Variants in TMEM38B observed in about 807,000 individuals in gnomAD.
TMEM38B encodes the protein transmembrane protein 38B, also known as trimeric intracellular cation channel type B.
TMEM38B carries 24 observed loss-of-function variants against 28.7 expected under a neutral mutation model. The observed-to-expected ratio is 0.84, with a 90% confidence interval of 0.61 to 1.18. TMEM38B has a LOEUF of 1.18. Among genes scored for constraint, TMEM38B ranks in the 50% most tolerant of loss-of-function variants. TMEM38B has a pLI of 0.00. For missense variants in TMEM38B, 380 were observed against 350.9 expected, an observed-to-expected ratio of 1.08 and a Z score of -0.66; for synonymous variants, 131 against 127.7, an observed-to-expected ratio of 1.03 and a Z score of -0.17.
At chr9:105,768,193 G>T (rs1826435748) in intron 5 of TMEM38B, among the ~76,000 whole-genome samples, 1 of 151,662 alleles carries the variant, frequency 6.6e-6, no homozygotes, top group South Asian at 2.1e-4. Context: ...TAATCATAGG[G>T]GTTTTCTCTT....
At chr9:105,729,101 A>T (rs1489277838) in intron 4 of TMEM38B, among the ~76,000 whole-genome samples, 1 of 152,080 alleles carries the variant, frequency 6.6e-6, no homozygotes, top group Non-Finnish European at 1.5e-5. Flanking sequence ...CCCATTTGTC[A>T]ATTTTGGCTT....
At position 105,773,930 on chromosome 9, in the gene TMEM38B, G is replaced by T. The variant is rs1331819913; in HGVS notation, c.726G>T (p.Trp242Cys). The T allele has an allele frequency of 6.2e-6, 10 of 1,613,634 alleles. No individual in the cohort carries two copies. Among genetic ancestry groups the T allele is most frequent in the African/African-American group, 1.3e-5 (1 of 74,894 alleles). ...CTCCTTTTGAGGATACATTGAGTTG[G>T]ATGCTATTTGGCTGGCAGCAGCCGT... ...TFAPFEDTLS[W>C]MLFGWQQPFS... The change falls in exon 6 of 6, where the codon TGG (tryptophan) becomes TGT (cysteine). Residue 242 changes from tryptophan (W) to cysteine (C), a missense_variant. By Grantham distance (215) the Trp-to-Cys change is radical (BLOSUM62 -2). Coordinates refer to ENST00000374692, the MANE Select transcript of TMEM38B (RefSeq NM_018112.3).
At chr9:105,751,578 A>G (rs1022705488) in intron 5 of TMEM38B, among the ~76,000 whole-genome samples, 1 of 152,200 alleles carries the variant, frequency 6.6e-6, no homozygotes, top group South Asian at 2.1e-4. Context: ...CAGGGAACCA[A>G]GCAGCATTGT....
At chr9:105,751,599 C>T (rs986196108) in intron 5 of TMEM38B, among the ~76,000 whole-genome samples, 2 of 152,212 alleles carry the variant, frequency 1.3e-5, no homozygotes, top group African/African-American at 4.8e-5. Flanking sequence ...GCTGCAGGCC[C>T]CACTTCCATG....
At position 105,760,259 on chromosome 9, in the gene TMEM38B, A is replaced by G. The variant is rs79655243; in HGVS notation, c.660+12069A>G. The G allele has an allele frequency of 6.4e-3, 5,120 of 801,504 alleles. 39 individuals are homozygous for G. Among genetic ancestry groups the G allele is most frequent in the African/African-American group, 0.028 (1,652 of 59,442 alleles). 49.6% of individuals were successfully genotyped at this position (801,504 alleles called of 1,614,324 possible). A position where few individuals can be genotyped will look rare whatever the true frequency, so the allele number is the denominator to read the frequency against. On this transcript the variant is annotated intron_variant, in intron 5 of 5. Coordinates refer to ENST00000374692, the MANE Select transcript of TMEM38B (RefSeq NM_018112.3). The stretch of plus-strand genomic sequence containing the variant: ...ATGGGCATGAAATCACCGATGATAC[A>G]TACCTTTTCTCGATGTGTGCTATGC...
At chr9:105,747,254 G>A (rs1295870194) in intron 4 of TMEM38B, among the ~76,000 whole-genome samples, 2 of 152,130 alleles carry the variant, frequency 1.3e-5, no homozygotes, top group Admixed American at 6.6e-5. Context: ...CAATTTCAGA[G>A]CCTGTTATTG....
At chr9:105,747,728 C>T (rs1057239372) in intron 4 of TMEM38B, among the ~76,000 whole-genome samples, 16 of 151,640 alleles carry the variant, frequency 1.1e-4, no homozygotes, top group South Asian at 8.4e-4. Context: ...CTATAAATTT[C>T]GCTCTACACA....
At chr9:105,762,022 A>G (rs1447525219) in intron 5 of TMEM38B, among the ~76,000 whole-genome samples, 2 of 151,940 alleles carry the variant, frequency 1.3e-5, no homozygotes, top group Non-Finnish European at 2.9e-5. Context: ...GTCGCCTTCT[A>G]TTTTTTACTC....
At position 105,721,758 on chromosome 9, in the gene TMEM38B, G is replaced by GAACACA. The variant is rs747159273; in HGVS notation, c.454+37_454+38insAACACA. ...AATATGTGTTCATAAATATTCTGTTGTTGGTGTATTATTAATACCATTACT... is the reference window on the plus strand; with the variant it reads ...AATATGTGTTCATAAATATTCTGTTGAACACATTGGTGTATTATTAATACCATTACT... On this transcript the variant is annotated intron_variant, in intron 3 of 5. Coordinates refer to ENST00000374692, the MANE Select transcript of TMEM38B (RefSeq NM_018112.3). The GAACACA allele has an allele frequency of 2.2e-4, 327 of 1,501,552 alleles. No homozygotes were observed. The African/African-American group carries it at 2.7e-3, about 12-fold the overall frequency. 93.0% of individuals were successfully genotyped at this position (1,501,552 alleles called of 1,614,324 possible). A position where few individuals can be genotyped will look rare whatever the true frequency, so the allele number is the denominator to read the frequency against.
At chr9:105,702,489 C>T (rs1184518469) in intron 1 of TMEM38B, among the ~76,000 whole-genome samples, 2 of 152,088 alleles carry the variant, frequency 1.3e-5, no homozygotes, top group Admixed American at 6.6e-5. Context: ...GTCATGTATG[C>T]AGTGCATTAA....
chr9:105,705,722 C>G lies in TMEM38B; in HGVS notation c.238C>G (p.His80Asp). 1.2e-6 allele frequency: 2 copies of G among 1,613,722 alleles called. No homozygotes were observed. The highest frequency in any genetic ancestry group is 1.7e-6 in the Non-Finnish European group (2 of 1,179,990). ...AEPPLKFLANHTNILLASSIW... is the reference protein window; with the variant it reads ...AEPPLKFLANDTNILLASSIW... Reference sequence around the variant, plus strand: ...GCCTCCATTGAAGTTTCTTGCAAACCACACTAACATATTACTGGCATCTTC... The same window carrying G: ...GCCTCCATTGAAGTTTCTTGCAAACGACACTAACATATTACTGGCATCTTC... Residue 80 changes from histidine (H) to aspartate (D), a missense_variant, in exon 2 of 6, where the codon CAC becomes GAC. His to Asp is a moderately conservative substitution (Grantham distance 81). Transcript: ENST00000374692.
At chr9:105,732,055 C>T (rs1447390693) in intron 4 of TMEM38B, among the ~76,000 whole-genome samples, 1 of 152,100 alleles carries the variant, frequency 6.6e-6, no homozygotes, top group Non-Finnish European at 1.5e-5. Context: ...CTCTCATGAC[C>T]AGTAGTGATG....
At chr9:105,749,059 T>C (rs1453195846) in intron 5 of TMEM38B, 1 of 1,302,498 alleles carries the variant, frequency 7.7e-7, no homozygotes. Context: ...GTGAATCATT[T>C]ATTTTTGTTT....
intron 5 of TMEM38B, among the ~76,000 whole-genome samples, chr9:105,753,149 C>A (rs1837719749): frequency 6.6e-6 from 1 of 152,090 alleles, no homozygotes; most frequent in Non-Finnish European, 1.5e-5. Flanking sequence ...TGAACAAAAT[C>A]TCTGAGAAAT....
At position 105,748,334 on chromosome 9, in the gene TMEM38B, C is replaced by T. The variant is rs1837510876; in HGVS notation, c.660+144C>T. 1.8e-5 allele frequency: 11 copies of T among 613,460 alleles called. No homozygotes were observed. The East Asian group carries it at 2.6e-4, about 14-fold the overall frequency. The allele number at this position is 613,460 out of a possible 1,614,324, so 38.0% of individuals were successfully genotyped here. ...ATAATTTGGGGAGCTTTACTCAGCA[C>T]ATCCATGACTTTCTGAAACTTAGCT... On this transcript the variant is annotated intron_variant, in intron 5 of 5. Coordinates refer to ENST00000374692, the MANE Select transcript of TMEM38B (RefSeq NM_018112.3).
At chr9:105,762,116 T>C (rs1422621271) in intron 5 of TMEM38B, among the ~76,000 whole-genome samples, 11 of 152,070 alleles carry the variant, frequency 7.2e-5, no homozygotes, top group Admixed American at 5.9e-4. Context: ...TTAATGACTA[T>C]TCTCATTTCT....
chr9:105,726,602 T>C (rs974830665), intron 4 of TMEM38B, among the ~76,000 whole-genome samples: 1 of 152,074 alleles, frequency 6.6e-6, no homozygotes, highest in African/African-American at 2.4e-5. Context: ...AGGATCTGAC[T>C]GAGGCTGTTT....
intron 2 of TMEM38B, chr9:105,710,914 C>G (rs1442043113): frequency 7.5e-6 from 2 of 265,514 alleles, no homozygotes; most frequent in African/African-American, 4.5e-5. Flanking sequence ...GACTTCACTC[C>G]CACCTCCACT....
intron 5 of TMEM38B, among the ~76,000 whole-genome samples, chr9:105,768,201 CT>C (rs1826438825): frequency 6.6e-6 from 1 of 152,032 alleles, no homozygotes; most frequent in Non-Finnish European, 1.5e-5. Context: ...GGGGTTTTCT[CT>C]TATATTCTGT....
Sources: gnomAD v4.1 joint callset for allele counts (sites outside exome capture counted in the v4.1 genomes callset) on GRCh38, gnomAD v4.1.1 for gene constraint, MANE v1.5 for transcripts, NCBI Gene and HGNC (gene_info 2026-07-23, HGNC 2026-07-21) for gene names.